SFRP1: variants seen among roughly 807,000 people sequenced by gnomAD.
The protein encoded by SFRP1 is secreted frizzled related protein 1.
Under a neutral mutation model 25.9 loss-of-function variants are expected in SFRP1, and 9 were observed. The observed-to-expected ratio is 0.35, with a 90% CI of 0.21 to 0.61. SFRP1 has a LOEUF of 0.61. Among genes scored for constraint, SFRP1 ranks in the 20% least tolerant of loss-of-function variants. The pLI is 0.78. For synonymous variants in SFRP1, 178 were observed against 174.0 expected, an observed-to-expected ratio of 1.02 and a Z score of -0.18; for missense variants, 346 against 418.2, an observed-to-expected ratio of 0.83 and a Z score of 1.51.
intron 2 of SFRP1, among the ~76,000 whole-genome samples, chr8:41,302,109 A>G (rs1803928412): frequency 6.6e-6 from 1 of 152,256 alleles, no homozygotes; most frequent in Non-Finnish European, 1.5e-5. Flanking sequence ...CTGTATCTAT[A>G]GAACTCAGAA....
intron 2 of SFRP1, among the ~76,000 whole-genome samples, chr8:41,283,044 A>C (rs1448950134): frequency 6.6e-6 from 1 of 152,194 alleles, no homozygotes; most frequent in Non-Finnish European, 1.5e-5. Flanking sequence ...CACAGATAAG[A>C]ACACTGCTGA....
chr8:41,273,464 C>T lies in SFRP1; in HGVS notation c.623-7975G>A, dbSNP rs370683096. Among the ~76,000 whole-genome samples the T allele has an allele frequency of 1.8e-4, 28 of 152,154 alleles. No individual in the cohort carries two copies. The South Asian group carries it at 5.6e-3, about 30-fold the overall frequency. ...CCGAGATCATGCCACTGCACTCCAG[C>T]CTGGGCCTCTGTCTCAAAAAAAAAA... On this transcript the variant is annotated intron_variant, in intron 2 of 2. Coordinates refer to ENST00000220772, the MANE Select transcript of SFRP1 (RefSeq NM_003012.5).
chr8:41,275,664 G>A (rs903938125), intron 2 of SFRP1, among the ~76,000 whole-genome samples: 3 of 151,826 alleles, frequency 2.0e-5, no homozygotes, highest in Admixed American at 6.6e-5. Flanking sequence ...CGCCACGCCC[G>A]GCTAATTTTT....
chr8:41,297,410 A>G (rs1192049332), intron 2 of SFRP1, among the ~76,000 whole-genome samples: 1 of 152,190 alleles, frequency 6.6e-6, no homozygotes, highest in Non-Finnish European at 1.5e-5. Flanking sequence ...ATCCTCCATT[A>G]ACCAGAGAAT....
chr8:41,299,594 G>A (rs1367208575), intron 2 of SFRP1, among the ~76,000 whole-genome samples: 2 of 38,968 alleles, frequency 5.1e-5, no homozygotes, highest in Admixed American at 2.5e-4. Flanking sequence ...TGAGCCCGGG[G>A]GGCGGAGATT....
At chr8:41,266,612 T>C (rs1465136710) in intron 2 of SFRP1, among the ~76,000 whole-genome samples, 3 of 151,904 alleles carry the variant, frequency 2.0e-5, no homozygotes, top group Non-Finnish European at 4.4e-5. Context: ...ATTTTTTTTT[T>C]TTTTTAAGAG....
At chr8:41,267,572 A>G (rs1803453024) in intron 2 of SFRP1, among the ~76,000 whole-genome samples, 1 of 152,228 alleles carries the variant, frequency 6.6e-6, no homozygotes, top group Non-Finnish European at 1.5e-5. Flanking sequence ...AAAGTCTTTA[A>G]CCTGAACTAA....
At chr8:41,277,858 A>G (rs1267240111) in intron 2 of SFRP1, among the ~76,000 whole-genome samples, 1 of 152,118 alleles carries the variant, frequency 6.6e-6, no homozygotes, top group Non-Finnish European at 1.5e-5. Flanking sequence ...AGATCCTCCC[A>G]CCCTGGCCTC....
chr8:41,296,141 C>T (rs1169687833), intron 2 of SFRP1, among the ~76,000 whole-genome samples: 1 of 152,168 alleles, frequency 6.6e-6, no homozygotes, highest in East Asian at 1.9e-4. Context: ...CCTCTGGGCA[C>T]AGTGGGAGTG....
intron 2 of SFRP1, among the ~76,000 whole-genome samples, chr8:41,277,799 T>C (rs530718823): frequency 2.0e-5 from 3 of 152,290 alleles, no homozygotes; most frequent in African/African-American, 7.2e-5. Flanking sequence ...TTTGTACAGA[T>C]GGTGTCTCAC....
At chr8:41,291,124 G>A (rs1044637611) in intron 2 of SFRP1, among the ~76,000 whole-genome samples, 1 of 151,310 alleles carries the variant, frequency 6.6e-6, no homozygotes, top group Non-Finnish European at 1.5e-5. Context: ...TAGCCAGGAC[G>A]GTCTCGATCT....
intron 1 of SFRP1, among the ~76,000 whole-genome samples, chr8:41,307,442 CCT>C (rs1804012506): frequency 1.3e-5 from 2 of 152,194 alleles, no homozygotes; most frequent in South Asian, 4.1e-4. Context: ...ACTGCACTCC[CCT>C]CTTTTAGCAT....
intron 2 of SFRP1, among the ~76,000 whole-genome samples, chr8:41,294,792 T>C (rs1293264337): frequency 6.6e-6 from 1 of 150,754 alleles, no homozygotes; most frequent in Non-Finnish European, 1.5e-5. Flanking sequence ...GCTCTGCACA[T>C]GCACCGAGAT....
intron 2 of SFRP1, among the ~76,000 whole-genome samples, chr8:41,302,924 C>T (rs563533387): frequency 2.6e-5 from 4 of 151,894 alleles, no homozygotes. Flanking sequence ...TTCTTTGCCT[C>T]GCGGAACCTG....
intron 2 of SFRP1, among the ~76,000 whole-genome samples, chr8:41,286,917 C>T (rs371436253): frequency 2.0e-4 from 31 of 152,312 alleles, no homozygotes; most frequent in African/African-American, 6.3e-4. Flanking sequence ...ACAGTGAGTG[C>T]CCCAAGCGTG....
chr8:41,309,452 A>T lies in SFRP1; in HGVS notation c.-293T>A, dbSNP rs895923987. 6.5e-6 allele frequency: 1 copy of T among 154,578 alleles called. No individual in the cohort carries two copies. Among genetic ancestry groups the T allele is most frequent in the African/African-American group, 2.4e-5 (1 of 41,168 alleles). 9.6% of individuals were successfully genotyped at this position (154,578 alleles called of 1,614,324 possible). A position where few individuals can be genotyped will look rare whatever the true frequency, so the allele number is the denominator to read the frequency against. On this transcript the variant is annotated 5_prime_UTR_variant, in exon 1 of 3. Coordinates refer to ENST00000220772, the MANE Select transcript of SFRP1 (RefSeq NM_003012.5). ...GGCGGGCGCGCGGCACTGACTCCGG[A>T]GGCTGCAGGGCTGGAGTGCGCGGGG...
rs749329501 is a variant in SFRP1 at position 41,303,554 on chromosome 8, G to C, written c.545-16C>G. 10 of 1,605,116 alleles carry C rather than the reference G, an allele frequency of 6.2e-6. No individual in the cohort carries two copies. The East Asian group carries it at 1.3e-4, about 21-fold the overall frequency. ...ACCGTTGTGCCTGGGAAAGGAAGTAGGGAGAAACGGAACTGTAAGTTACAG... is the reference window on the plus strand; with the variant it reads ...ACCGTTGTGCCTGGGAAAGGAAGTACGGAGAAACGGAACTGTAAGTTACAG... On this transcript the variant is annotated splice_polypyrimidine_tract_variant and intron_variant, in intron 1 of 2. Coordinates refer to ENST00000220772, the MANE Select transcript of SFRP1 (RefSeq NM_003012.5).
At position 41,262,181 on chromosome 8, in the gene SFRP1, C is replaced by G. The variant is rs759958588; in HGVS notation, c.*2986G>C. 6.6e-6 allele frequency: 1 copy of G among 152,394 alleles called. No individual in the cohort carries two copies. Among genetic ancestry groups the G allele is most frequent in the Non-Finnish European group, 1.5e-5 (1 of 68,028 alleles). The allele number at this position is 152,394 out of a possible 1,614,324, so 9.4% of individuals were successfully genotyped here. A position where few individuals can be genotyped will look rare whatever the true frequency, so the allele number is the denominator to read the frequency against. On this transcript the variant is annotated 3_prime_UTR_variant, in exon 3 of 3. Transcript: ENST00000220772. ...AGACTTAGGATCTAAAAGAGGAGTA[C>G]TACAGGAAGAAACTAGAGGAAACGG...
intron 2 of SFRP1, among the ~76,000 whole-genome samples, chr8:41,290,274 C>T (rs1803759729): frequency 6.6e-6 from 1 of 152,212 alleles, no homozygotes; most frequent in African/African-American, 2.4e-5. Flanking sequence ...ACCACACATG[C>T]ACCTCCCCTT....
Sources: allele counts gnomAD v4.1 joint callset (sites outside exome capture counted in the v4.1 genomes callset), GRCh38; gene constraint gnomAD v4.1.1; transcripts MANE v1.5; gene names NCBI Gene and HGNC (gene_info 2026-07-23, HGNC 2026-07-21).